FKBP5: variants seen among roughly 807,000 people sequenced by gnomAD.
FKBP5 encodes FKBP prolyl isomerase 5.
Under a neutral mutation model 50.5 loss-of-function variants are expected in FKBP5, and 23 were observed. That is an observed-to-expected ratio of 0.46 (90% CI 0.33 to 0.65). The LOEUF (loss-of-function observed/expected upper bound fraction) is 0.65. Ranked by LOEUF, FKBP5 falls within the 30% of genes least tolerant of loss-of-function variation. The pLI is 0.02. For synonymous variants in FKBP5, 176 were observed against 190.6 expected, an observed-to-expected ratio of 0.92 and a Z score of 0.63; for missense variants, 411 against 553.1, an observed-to-expected ratio of 0.74 and a Z score of 2.58.
intron 2 of FKBP5, among the ~76,000 whole-genome samples, chr6:35,706,650 C>T (rs893373188): frequency 6.6e-6 from 1 of 152,130 alleles, no homozygotes; most frequent in Non-Finnish European, 1.5e-5. Flanking sequence ...CTTTGTCAGA[C>T]AATTTAGCAA....
At chr6:35,689,381 C>T (rs1490156527), upstream of FKBP5, among the ~76,000 whole-genome samples, 4 of 152,126 alleles carry the variant, frequency 2.6e-5, no homozygotes, top group Non-Finnish European at 5.9e-5. Context: ...GAAGCAACCC[C>T]ATTAAGTCTA....
chr6:35,612,883 G>T (rs1054494713), intron 5 of FKBP5, among the ~76,000 whole-genome samples: 1 of 152,222 alleles, frequency 6.6e-6, no homozygotes, highest in Admixed American at 6.5e-5. Flanking sequence ...GATTTGGGTA[G>T]GCACACAGCC....
At chr6:35,677,470 T>C (rs1204915662) in intron 1 of FKBP5, among the ~76,000 whole-genome samples, 1 of 152,232 alleles carries the variant, frequency 6.6e-6, no homozygotes. Flanking sequence ...AAAAGACCTG[T>C]ACTTTCTCCC....
intron 5 of FKBP5, among the ~76,000 whole-genome samples, chr6:35,611,644 A>G (rs776183776): frequency 6.6e-6 from 1 of 152,230 alleles, no homozygotes. Flanking sequence ...CATCATAATC[A>G]TATCAATTAG....
chr6:35,589,824 CAT>C (rs985810482), intron 7 of FKBP5, among the ~76,000 whole-genome samples: 13 of 152,302 alleles, frequency 8.5e-5, no homozygotes, highest in African/African-American at 2.6e-4. Flanking sequence ...CATAACCAGA[CAT>C]ATGTTTGTTT....
chr6:35,624,653 A>G (rs1208272368), intron 3 of FKBP5, among the ~76,000 whole-genome samples: 1 of 152,098 alleles, frequency 6.6e-6, no homozygotes, highest in East Asian at 1.9e-4. Flanking sequence ...CCACGTCCTA[A>G]TAAGATTTAT....
Position 35,583,560 on chromosome 6 carries a change from TCTCAACTGGGGGGTGATTTTGCCC to T in FKBP5, c.841-3363_841-3340del, listed in dbSNP as rs1267077991. ...CCTGCTTCTGAGGTACTAAAGCAGT[TCTCAACTGGGGGGTGATTTTGCCC>T]CCCAGGGAACACCTGGCAGGTCTGG... On this transcript the variant is annotated intron_variant, in intron 8 of 10. Coordinates refer to ENST00000357266, the MANE Select transcript of FKBP5 (RefSeq NM_004117.4). 5 of 985,242 alleles carry T rather than the reference TCTCAACTGGGGGGTGATTTTGCCC, an allele frequency of 5.1e-6. No homozygotes were observed. The African/African-American group carries it at 8.7e-5, about 17-fold the overall frequency. 61.0% of individuals were successfully genotyped at this position (985,242 alleles called of 1,614,324 possible).
intron 6 of FKBP5, among the ~76,000 whole-genome samples, chr6:35,595,037 A>AT (rs1288805245): frequency 4.6e-5 from 7 of 152,114 alleles, no homozygotes; most frequent in African/African-American, 7.2e-5. Flanking sequence ...TGTGTGCCCT[A>AT]TATGTGCAGG....
chr6:35,662,525 C>A (rs1765100650), intron 1 of FKBP5, among the ~76,000 whole-genome samples: 1 of 151,646 alleles, frequency 6.6e-6, no homozygotes. Flanking sequence ...CTCAAGCGAT[C>A]CTGCCACCTC....
chr6:35,630,356 C>T (rs147258732), intron 3 of FKBP5, among the ~76,000 whole-genome samples: 3,218 of 152,050 alleles, frequency 0.021, 56 homozygotes, highest in African/African-American at 0.048. Context: ...AGACCATCCT[C>T]GCCAACATGG....
intron 1 of FKBP5, among the ~76,000 whole-genome samples, chr6:35,683,126 G>GTATATATATACGTATATA (rs1765725672): frequency 5.1e-5 from 1 of 19,502 alleles, no homozygotes; most frequent in African/African-American, 2.2e-4. Context: ...GTATATGTGT[G>GTATATATATACGTATATA]TGTGTGTGTG....
At position 35,579,942 on chromosome 6, in the gene FKBP5, A is replaced by G. The variant is rs147154452; in HGVS notation, c.1026+94T>C. On this transcript the variant is annotated intron_variant, in intron 9 of 10. Coordinates refer to ENST00000357266, the MANE Select transcript of FKBP5 (RefSeq NM_004117.4). ...TAAATAAAAAAAAGCAAAATGAAAA[A>G]TCCTGCAACCTTTGGCTGAGAGGAA... The G allele has an allele frequency of 2.1e-5, 21 of 982,492 alleles. No homozygotes were observed. In the South Asian group the frequency reaches 2.5e-4, roughly 12 times the overall value. The allele number at this position is 982,492 out of a possible 1,614,324, so 60.9% of individuals were successfully genotyped here.
intron 1 of FKBP5, among the ~76,000 whole-genome samples, chr6:35,677,438 G>A (rs1049324028): frequency 5.3e-5 from 8 of 152,228 alleles, no homozygotes; most frequent in Non-Finnish European, 1.2e-4. Context: ...GATAAGAAGA[G>A]AGTCTTCAAA....
chr6:35,698,739 T>A (rs1464197408), intron 2 of FKBP5, among the ~76,000 whole-genome samples: 1 of 152,148 alleles, frequency 6.6e-6, no homozygotes, highest in African/African-American at 2.4e-5. Context: ...TGCTTCTGCT[T>A]CTAATCATGG....
intron 1 of FKBP5, among the ~76,000 whole-genome samples, chr6:35,688,495 G>A (rs1765900999): frequency 6.6e-6 from 1 of 151,806 alleles, no homozygotes; most frequent in African/African-American, 2.4e-5. Context: ...CGCCTCTGCC[G>A]GGAGAGGCCG....
intron 2 of FKBP5, among the ~76,000 whole-genome samples, chr6:35,640,127 G>T (rs765075552): frequency 6.6e-6 from 1 of 152,170 alleles, no homozygotes; most frequent in African/African-American, 2.4e-5. Context: ...GTCATGCATC[G>T]CTTAAGGACA....
chr6:35,625,792 A>T (rs1561864324), intron 3 of FKBP5, among the ~76,000 whole-genome samples: 1 of 144,544 alleles, frequency 6.9e-6, no homozygotes, highest in Non-Finnish European at 1.5e-5. Flanking sequence ...TTATTTATTT[A>T]TTTTTGAGAT....
intron 5 of FKBP5, among the ~76,000 whole-genome samples, chr6:35,614,578 A>G (rs917074651): frequency 3.3e-5 from 5 of 152,292 alleles, no homozygotes; most frequent in Non-Finnish European, 7.4e-5. Context: ...AATATACACT[A>G]TAAGACTGAT....
intron 2 of FKBP5, among the ~76,000 whole-genome samples, chr6:35,701,203 TTTTGTTTG>T (rs201347112): frequency 5.4e-5 from 8 of 146,906 alleles, no homozygotes; most frequent in Admixed American, 2.0e-4. Flanking sequence ...AGTGCTGTGT[TTTTGTTTG>T]TTTGTTTGTT....
Sources: gnomAD v4.1 joint callset for allele counts (sites outside exome capture counted in the v4.1 genomes callset) on GRCh38, gnomAD v4.1.1 for gene constraint, MANE v1.5 for transcripts, NCBI Gene and HGNC (gene_info 2026-07-23, HGNC 2026-07-21) for gene names.